Variants in INO80C observed in about 807,000 individuals in gnomAD.
INO80C encodes the protein IES6 homolog.
In INO80C, 17 loss-of-function variants were observed where a neutral mutation model predicts 17.7. That is an observed-to-expected ratio of 0.96 (90% confidence interval 0.66 to 1.44). The LOEUF is 1.44. Among genes scored for constraint, INO80C ranks in the 40% most tolerant of loss-of-function variants. The pLI is 0.00. For synonymous variants in INO80C, 96 were observed against 95.8 expected (o/e 1.00, Z -0.01); for missense variants, 244 against 245.0 (o/e 1.00, Z 0.03).
chr18:35,497,407 ATGAC>A (rs1313552376), intron 1 of INO80C: 3 of 1,118,318 alleles, frequency 2.7e-6, no homozygotes, highest in African/African-American at 1.6e-5. Context: ...AAATTTCTGA[ATGAC>A]TGACACTCAT....
At position 35,478,292 on chromosome 18, in the gene INO80C, GA is replaced by G. The variant is rs761516557; in HGVS notation, c.436del (p.Ser146GlnfsTer39). The G allele has an allele frequency of 1.8e-5, 28 of 1,599,022 alleles. No homozygotes were observed. The highest frequency in any genetic ancestry group is 2.4e-5 in the Non-Finnish European group (28 of 1,171,402). On this transcript the variant is annotated frameshift_variant, in exon 4 of 5. Coordinates refer to ENST00000334598, the MANE Select transcript of INO80C (RefSeq NM_194281.4). LOFTEE classifies it high-confidence loss of function. ...TATAATCATACTCACAAGCAGACCT[GA>G]AACATCAGAATACTTCTTAGCTGGC... ...FKPAKKYSDV[S>X]GLLANYTDPQ...
intron 1 of INO80C, among the ~76,000 whole-genome samples, chr18:35,481,250 A>G (rs974935775): frequency 2.0e-5 from 3 of 152,228 alleles, no homozygotes; most frequent in African/African-American, 7.2e-5. Context: ...TTTAAAGCAA[A>G]AAACCTTTAA....
In INO80C at chr18:35,468,571, T is replaced by C; in HGVS notation, c.*40A>G. The stretch of plus-strand genomic sequence containing the variant: ...AACAAAATCATGAGTCCAGAGTCTG[T>C]TTTTGAAACAGCTTTCCACTTCATC... On this transcript the variant is annotated 3_prime_UTR_variant, in exon 5 of 5. Coordinates refer to ENST00000334598, the MANE Select transcript of INO80C (RefSeq NM_194281.4). 1.2e-6 allele frequency: 2 copies of C among 1,613,706 alleles called. No homozygotes were observed. The highest frequency in any genetic ancestry group is 1.7e-6 in the Non-Finnish European group (2 of 1,179,766).
intron 1 of INO80C, chr18:35,496,834 T>C (rs2045986781): frequency 6.6e-6 from 1 of 152,202 alleles, no homozygotes; most frequent in Non-Finnish European, 1.5e-5. Context: ...GATCTGTGGT[T>C]CAGCCAGTAT....
Position 35,468,413 on chromosome 18 carries a change from G to T in INO80C, c.*198C>A. The T allele has an allele frequency of 7.1e-7, 1 of 1,399,616 alleles. No individual in the cohort carries two copies. The highest frequency in any genetic ancestry group is 1.6e-5 in the South Asian group (1 of 61,922). The allele number at this position is 1,399,616 out of a possible 1,614,324, so 86.7% of individuals were successfully genotyped here. On this transcript the variant is annotated 3_prime_UTR_variant, in exon 5 of 5. Transcript: ENST00000334598. ...AACAACTGAAGTATAATTTAATTCA[G>T]CAGGAAATATCACACTTGGAGGGAA... is the stretch of plus-strand genomic sequence containing the variant.
rs770165283 is a variant in INO80C at position 35,468,682 on chromosome 18, T to G, written c.508A>C (p.Ile170Leu). 3.1e-6 allele frequency: 5 copies of G among 1,614,118 alleles called. No individual in the cohort carries two copies. The highest frequency in any genetic ancestry group is 2.2e-5 in the East Asian group (1 of 44,876). ...ACGACGTCAGAGGGCAGCCTCCGAA[T>G]GTAGGAAAACTCTTCAATGGTGCTG... Reference protein sequence around the residue: ...RFSTIEEFSYIRRLPSDVVTG... With the variant: ...RFSTIEEFSYLRRLPSDVVTG... Residue 170 changes from isoleucine (I) to leucine (L), a missense_variant, in exon 5 of 5, where the codon ATT (isoleucine) becomes CTT (leucine). Ile to Leu is a conservative substitution (Grantham distance 5). Coordinates refer to ENST00000334598, the MANE Select transcript of INO80C (RefSeq NM_194281.4).
At chr18:35,485,952 C>G (rs1009765898) in intron 1 of INO80C, among the ~76,000 whole-genome samples, 9 of 152,110 alleles carry the variant, frequency 5.9e-5, no homozygotes, top group African/African-American at 2.2e-4. Context: ...TGGCAAGACC[C>G]TTTCTCTACA....
intron 1 of INO80C, among the ~76,000 whole-genome samples, chr18:35,486,640 T>C (rs1221315089): frequency 6.6e-6 from 1 of 151,930 alleles, no homozygotes; most frequent in Non-Finnish European, 1.5e-5. Flanking sequence ...TTTTAAAAAA[T>C]GAATAAATGG....
intron 4 of INO80C, among the ~76,000 whole-genome samples, chr18:35,476,894 C>A (rs554353150): frequency 6.6e-6 from 1 of 152,222 alleles, no homozygotes; most frequent in East Asian, 1.9e-4. Flanking sequence ...AAAGACCCAA[C>A]AACTCAACAA....
intron 4 of INO80C, among the ~76,000 whole-genome samples, chr18:35,472,995 T>C (rs2144028948): frequency 1.3e-5 from 2 of 152,330 alleles, no homozygotes; most frequent in East Asian, 3.9e-4. Context: ...TTAGGTAATG[T>C]GTAATGTGAC....
intron 4 of INO80C, among the ~76,000 whole-genome samples, chr18:35,474,649 T>G (rs1793685909): frequency 6.6e-6 from 1 of 152,148 alleles, no homozygotes; most frequent in Admixed American, 6.6e-5. Flanking sequence ...ATCACATCAC[T>G]GCACTCTAGC....
chr18:35,497,879 C>CTCCG lies in INO80C; in HGVS notation c.-9_-6dup. The CTCCG allele has an allele frequency of 6.4e-7, 1 of 1,556,172 alleles. No homozygotes were observed. Among genetic ancestry groups the CTCCG allele is most frequent in the Non-Finnish European group, 8.7e-7 (1 of 1,148,622 alleles). Reference sequence around the variant, plus strand: ...AATTGGAATTTGCGCCGCCATCGCACTCCGAGTCTTCCCCTGGTCCCCCCA... The same window carrying CTCCG: ...AATTGGAATTTGCGCCGCCATCGCACTCCGTCCGAGTCTTCCCCTGGTCCCCCCA... On this transcript the variant is annotated 5_prime_UTR_variant, in exon 1 of 5. Transcript: ENST00000334598.
intron 2 of INO80C, 55 bp from the exon 3 acceptor site, chr18:35,479,466 C>T (rs2045778928): frequency 1.5e-5 from 16 of 1,049,992 alleles, no homozygotes; most frequent in Admixed American, 9.1e-5. Context: ...ACTACCATTT[C>T]GACATCTGAC....
chr18:35,497,071 C>G lies in INO80C; in HGVS notation c.156+648G>C, dbSNP rs1262532613. ...TTTGCTTTGAATAAAATGCAGGAGC[C>G]AGAGAAAACACTAATCAAGCCACTC... On this transcript the variant is annotated intron_variant, in intron 1 of 4. Coordinates refer to ENST00000334598, the MANE Select transcript of INO80C (RefSeq NM_194281.4). Among the ~76,000 whole-genome samples, 4 of 152,228 alleles carry G rather than the reference C, an allele frequency of 2.6e-5. No individual in the cohort carries two copies. The South Asian group carries it at 6.2e-4, about 24-fold the overall frequency.
At chr18:35,485,072 A>G (rs766410636) in intron 1 of INO80C, among the ~76,000 whole-genome samples, 1 of 152,136 alleles carries the variant, frequency 6.6e-6, no homozygotes, top group African/African-American at 2.4e-5. Context: ...TAACGGCACC[A>G]GTCATCCAGG....
rs1303684880 is a variant in INO80C at position 35,497,784 on chromosome 18, C to T, written c.91G>A (p.Gly31Ser). The T allele has an allele frequency of 1.9e-6, 3 of 1,613,316 alleles. No individual in the cohort carries two copies. The highest frequency in any genetic ancestry group is 1.3e-5 in the African/African-American group (1 of 74,956). The part of the protein sequence containing the change: ...KKRPASPSHN[G>S]SSGGGYGASK... ...GCGCCATAGCCCCCGCCGCTGCTGCCATTGTGGGAAGGGCTGGCCGGCCTC... is the reference window on the plus strand; with the variant it reads ...GCGCCATAGCCCCCGCCGCTGCTGCTATTGTGGGAAGGGCTGGCCGGCCTC... The change falls in exon 1 of 5, where the codon GGC becomes AGC. Residue 31 changes from glycine to serine, a missense_variant. Gly to Ser is a moderately conservative substitution (Grantham distance 56). Coordinates refer to ENST00000334598, the MANE Select transcript of INO80C (RefSeq NM_194281.4).
At chr18:35,479,120 AATACAG>A (rs1383987655) in intron 3 of INO80C, 174 bp downstream of exon 3, 1 of 542,818 alleles carries the variant, frequency 1.8e-6, no homozygotes, top group Non-Finnish European at 3.3e-6. Flanking sequence ...AAATAGGCTC[AATACAG>A]ATACAGTTAT....
chr18:35,478,618 C>T (rs76788765), intron 3 of INO80C, among the ~76,000 whole-genome samples: 1 of 152,192 alleles, frequency 6.6e-6, no homozygotes, highest in Non-Finnish European at 1.5e-5. Context: ...GAAAGCTCAT[C>T]TGCCCACCAG....
At chr18:35,492,428 C>T (rs756093877) in intron 1 of INO80C, among the ~76,000 whole-genome samples, 16 of 152,002 alleles carry the variant, frequency 1.1e-4, no homozygotes, top group Non-Finnish European at 2.2e-4. Flanking sequence ...AAACGGGGCA[C>T]GTAATACTAT....
Sources: allele counts gnomAD v4.1 joint callset (sites outside exome capture counted in the v4.1 genomes callset), GRCh38; gene constraint gnomAD v4.1.1; transcripts MANE v1.5; gene names NCBI Gene and HGNC (gene_info 2026-07-23, HGNC 2026-07-21).